AKAP13: variants seen among roughly 807,000 people sequenced by gnomAD.
The protein encoded by AKAP13 is A-kinase anchor protein 13.
A neutral mutation model predicts 264.5 loss-of-function variants in AKAP13; 80 were observed. The observed-to-expected ratio is 0.30, with a 90% confidence interval of 0.25 to 0.36. The LOEUF (loss-of-function observed/expected upper bound fraction) is 0.36, where lower values mean the gene tolerates loss of function less well. AKAP13 is among the 10% of genes least tolerant of loss of function. The pLI is 1.00. For missense variants in AKAP13, 3,712 were observed against 3,435.2 expected (o/e 1.08, Z -2.01); for synonymous variants, 1,380 against 1,250.2 (o/e 1.10, Z -2.19).
chr15:85,726,554 A>G (rs2087626021), intron 27 of AKAP13, 68 bp downstream of exon 27: 4 of 1,326,200 alleles, frequency 3.0e-6, no homozygotes, highest in Non-Finnish European at 4.3e-6. Flanking sequence ...TGTAAGCACT[A>G]TGTTATTGCT....
intron 1 of AKAP13, among the ~76,000 whole-genome samples, chr15:85,442,512 ATATATATTATAT>A (rs2073730677): frequency 9.0e-6 from 1 of 111,198 alleles, no homozygotes; most frequent in South Asian, 2.9e-4. Context: ...ATTATATATA[ATATATATTATAT>A]TATATATAAT....
chr15:85,617,170 C>A (rs1244994748), intron 8 of AKAP13, among the ~76,000 whole-genome samples: 1 of 152,192 alleles, frequency 6.6e-6, no homozygotes, highest in Admixed American at 6.5e-5. Flanking sequence ...ATATCTGTTA[C>A]ATTGTTATAA....
At chr15:85,648,029 T>TA (rs945560122) in intron 10 of AKAP13, among the ~76,000 whole-genome samples, 63 of 119,750 alleles carry the variant, frequency 5.3e-4, no homozygotes, top group East Asian at 1.2e-3. Context: ...TATTTTATTT[T>TA]TTTTTTAATA....
chr15:85,384,716 GA>G (rs34573727), intron 1 of AKAP13, among the ~76,000 whole-genome samples: 34,662 of 113,716 alleles, frequency 0.3, 5,339 homozygotes, highest in Middle Eastern at 0.44. Flanking sequence ...GACTCCGTCT[GA>G]AAAAAAAAAA....
intron 8 of AKAP13, among the ~76,000 whole-genome samples, chr15:85,586,074 C>A (rs2079326936): frequency 6.6e-6 from 1 of 152,176 alleles, no homozygotes; most frequent in African/African-American, 2.4e-5. Context: ...AAAACATTTT[C>A]CCCTTGAGCA....
chr15:85,675,621 G>C (rs2084184856), intron 14 of AKAP13, among the ~76,000 whole-genome samples: 1 of 152,190 alleles, frequency 6.6e-6, no homozygotes, highest in African/African-American at 2.4e-5. Flanking sequence ...ATGAGAGCAA[G>C]TGAATCTAAT....
At chr15:85,524,323 G>A (rs940404621) in intron 3 of AKAP13, among the ~76,000 whole-genome samples, 3 of 151,516 alleles carry the variant, frequency 2.0e-5, no homozygotes, top group African/African-American at 4.9e-5. Flanking sequence ...GATTACAGGC[G>A]TACCACCACA....
At chr15:85,415,727 T>G (rs2072211203) in intron 1 of AKAP13, 1 of 694,926 alleles carries the variant, frequency 1.4e-6, no homozygotes, top group Admixed American at 2.7e-5. Context: ...TTTTTTTTTT[T>G]TTTCATTACT....
intron 1 of AKAP13, among the ~76,000 whole-genome samples, chr15:85,430,563 C>T (rs181476297): frequency 6.6e-6 from 1 of 152,320 alleles, no homozygotes; most frequent in Admixed American, 6.5e-5. Flanking sequence ...ACTGAACCAC[C>T]TGTACAGCTA....
chr15:85,426,496 GT>G (rs11351158), intron 1 of AKAP13, among the ~76,000 whole-genome samples: 21,435 of 150,300 alleles, frequency 0.14, 1,975 homozygotes, highest in South Asian at 0.33. Context: ...TTGTTTTTTT[GT>G]TTTTTTTTGG....
chr15:85,680,835 T>C (rs2084553143), intron 14 of AKAP13, among the ~76,000 whole-genome samples: 2 of 152,246 alleles, frequency 1.3e-5, no homozygotes, highest in South Asian at 4.1e-4. Flanking sequence ...TTTTTGTTTT[T>C]GAGATGGAAT....
intron 2 of AKAP13, among the ~76,000 whole-genome samples, chr15:85,500,807 G>A (rs917092202): frequency 2.6e-5 from 4 of 152,150 alleles, no homozygotes; most frequent in Non-Finnish European, 5.9e-5. Context: ...TTTTAAACCA[G>A]GAAAGAGCTA....
chr15:85,743,357 T>G, intron 35 of AKAP13, 135 bp from the exon 36 acceptor site: 1 of 850,878 alleles, frequency 1.2e-6, no homozygotes, highest in Non-Finnish European at 1.8e-6. Context: ...TCCACAGACG[T>G]GAGCTCTGTA....
intron 1 of AKAP13, among the ~76,000 whole-genome samples, chr15:85,392,315 C>T (rs796797576): frequency 1.9e-4 from 24 of 123,516 alleles, no homozygotes; most frequent in African/African-American, 5.7e-4. Flanking sequence ...AGTGCAGTGG[C>T]GCTATCTCGG....
intron 4 of AKAP13, chr15:85,534,341 C>T (rs1451649712): frequency 5.8e-6 from 1 of 172,478 alleles, no homozygotes; most frequent in Admixed American, 6.2e-5. Context: ...TCTGAGAAAC[C>T]ACACACTTCC....
intron 1 of AKAP13, among the ~76,000 whole-genome samples, chr15:85,485,202 G>T (rs2151056620): frequency 6.6e-6 from 1 of 152,230 alleles, no homozygotes; most frequent in African/African-American, 2.4e-5. Context: ...TTTGAGGAGG[G>T]TCATGCCTTT....
intron 34 of AKAP13, chr15:85,740,672 C>T (rs1597239773): frequency 6.2e-6 from 2 of 323,680 alleles, no homozygotes; most frequent in East Asian, 6.5e-5. Flanking sequence ...ATTCTGCTCA[C>T]TTCCTTTCTT....
chr15:85,410,043 A>T (rs1240180856), intron 1 of AKAP13, among the ~76,000 whole-genome samples: 1 of 151,660 alleles, frequency 6.6e-6, no homozygotes, highest in Non-Finnish European at 1.5e-5. Flanking sequence ...TTTCCTTTAG[A>T]GGAGTATGAT....
chr15:85,643,623 A>G (rs530563374), intron 9 of AKAP13, among the ~76,000 whole-genome samples: 5 of 152,200 alleles, frequency 3.3e-5, no homozygotes, highest in Non-Finnish European at 7.3e-5. Context: ...ATATCTTGAC[A>G]TAGTCATTCT....
Sources: allele counts gnomAD v4.1 joint callset (sites outside exome capture counted in the v4.1 genomes callset), GRCh38; gene constraint gnomAD v4.1.1; transcripts MANE v1.5; gene names NCBI Gene and HGNC (gene_info 2026-07-23, HGNC 2026-07-21).